The following MAD1L1 variants were observed in gnomAD, a reference collection of about 807,000 sequenced individuals.
The protein encoded by MAD1L1 is mitotic spindle assembly checkpoint protein MAD1.
A neutral mutation model predicts 96.9 loss-of-function variants in MAD1L1; 95 were observed. That is an observed-to-expected ratio of 0.98 (90% confidence interval 0.83 to 1.16). The LOEUF is 1.16. Among genes scored for constraint, MAD1L1 ranks in the 50% most tolerant of loss-of-function variants. The pLI, the probability that MAD1L1 is intolerant of heterozygous loss-of-function variation, is 0.00. For synonymous variants in MAD1L1, 473 were observed against 396.6 expected, an observed-to-expected ratio of 1.19 and a Z score of -2.29; for missense variants, 1,007 against 954.4, an observed-to-expected ratio of 1.06 and a Z score of -0.73.
At chr7:2,018,532 G>A (rs530426850) in intron 12 of MAD1L1, among the ~76,000 whole-genome samples, 20 of 152,228 alleles carry the variant, frequency 1.3e-4, no homozygotes, top group Non-Finnish European at 2.5e-4. Flanking sequence ...TGAGGCAGGC[G>A]CCCAGCACTC....
At chr7:1,872,679 G>C (rs1021767613) in intron 18 of MAD1L1, 1 of 152,282 alleles carries the variant, frequency 6.6e-6, no homozygotes, top group Non-Finnish European at 1.5e-5. Context: ...TCCTGGCTGC[G>C]GACTCCTGGG....
rs759224130 is a variant in MAD1L1, at chr7:1,898,311, G to A, written c.1887C>T (p.Phe629=). The change falls in exon 18 of 19, where the codon TTC becomes TTT. Residue 629 remains phenylalanine (F), a synonymous_variant. Transcript: ENST00000265854. ...CGGTGAGCGTGTAGCAGGCCTTGCGGAACTCCTGGATCTTGGTCTGGAAAA... is the reference window on the plus strand; with the variant it reads ...CGGTGAGCGTGTAGCAGGCCTTGCGAAACTCCTGGATCTTGGTCTGGAAAA... ...KEVFQTKIQE[F]RKACYTLTGY... 9 of 1,614,008 alleles carry A rather than the reference G, an allele frequency of 5.6e-6. No individual in the cohort carries two copies. In the South Asian group the frequency reaches 7.7e-5, roughly 14 times the overall value.
At chr7:1,873,308 A>G (rs1785204626) in intron 18 of MAD1L1, among the ~76,000 whole-genome samples, 1 of 152,176 alleles carries the variant, frequency 6.6e-6, no homozygotes, top group South Asian at 2.1e-4. Context: ...TGGGGCCTCA[A>G]TGGGCTAGAG....
At chr7:2,163,378 GT>G (rs540904902) in intron 10 of MAD1L1, among the ~76,000 whole-genome samples, 1 of 151,992 alleles carries the variant, frequency 6.6e-6, no homozygotes, top group Admixed American at 6.5e-5. Context: ...TGTATTCTTT[GT>G]TTTTTGTTTT....
chr7:2,140,549 T>C (rs1010853512), intron 11 of MAD1L1, among the ~76,000 whole-genome samples: 2 of 152,160 alleles, frequency 1.3e-5, no homozygotes, highest in African/African-American at 4.8e-5. Flanking sequence ...ACTTCCAAGA[T>C]GAAGAGCCTC....
At chr7:2,190,002 G>A (rs1791644568) in intron 10 of MAD1L1, among the ~76,000 whole-genome samples, 1 of 151,762 alleles carries the variant, frequency 6.6e-6, no homozygotes, top group African/African-American at 2.4e-5. Flanking sequence ...AGTGCACTAA[G>A]GCAAGAAAAA....
intron 10 of MAD1L1, among the ~76,000 whole-genome samples, chr7:2,181,237 T>C (rs1014768199): frequency 6.6e-6 from 1 of 152,274 alleles, no homozygotes; most frequent in South Asian, 2.1e-4. Context: ...CTTCCGAATT[T>C]TGCGGCAACT....
chr7:1,970,146 CAG>C (rs751971698), intron 15 of MAD1L1, among the ~76,000 whole-genome samples: 3 of 152,052 alleles, frequency 2.0e-5, no homozygotes, highest in Admixed American at 6.5e-5. Flanking sequence ...AGCCGAGCCG[CAG>C]AGTTGAGCAG....
chr7:1,942,440 C>T (rs142267264), intron 16 of MAD1L1, among the ~76,000 whole-genome samples: 103 of 152,322 alleles, frequency 6.8e-4, no homozygotes, highest in African/African-American at 2.4e-3. Flanking sequence ...CCTCGGAGCC[C>T]GCGCGCCACA....
chr7:1,932,492 T>C (rs887645843), intron 17 of MAD1L1, among the ~76,000 whole-genome samples: 2 of 152,174 alleles, frequency 1.3e-5, no homozygotes, highest in African/African-American at 4.8e-5. Context: ...TCAGACCTGA[T>C]GTGGGGCTGG....
chr7:1,953,416 T>C (rs549231276), intron 16 of MAD1L1, among the ~76,000 whole-genome samples: 1 of 152,232 alleles, frequency 6.6e-6, no homozygotes, highest in African/African-American at 2.4e-5. Context: ...AGCAGGCAGG[T>C]GGGGCGGGGA....
At chr7:1,970,579 C>T (rs552053661) in intron 15 of MAD1L1, among the ~76,000 whole-genome samples, 65 of 152,208 alleles carry the variant, frequency 4.3e-4, no homozygotes, top group African/African-American at 1.5e-3. Flanking sequence ...GGTGATCTGC[C>T]GGCCTTGGTC....
chr7:1,830,181 G>T (rs1243203354), intron 18 of MAD1L1, among the ~76,000 whole-genome samples: 2 of 152,252 alleles, frequency 1.3e-5, no homozygotes, highest in Admixed American at 1.3e-4. Flanking sequence ...AGGATCACCT[G>T]AGGTCAGGAG....
chr7:1,980,834 G>A (rs1200513768), intron 14 of MAD1L1: 6 of 530,504 alleles, frequency 1.1e-5, no homozygotes, highest in South Asian at 6.6e-5. Flanking sequence ...GAGTGGACAC[G>A]CAGCTGGGGA....
chr7:2,151,794 G>A (rs149243769), intron 10 of MAD1L1, among the ~76,000 whole-genome samples: 3 of 152,316 alleles, frequency 2.0e-5, no homozygotes, highest in Admixed American at 6.5e-5. Context: ...CAGTGACAGA[G>A]CTCTCTTCTG....
intron 17 of MAD1L1, among the ~76,000 whole-genome samples, chr7:1,929,098 G>A (rs145255358): frequency 8.5e-5 from 13 of 152,194 alleles, no homozygotes; most frequent in Admixed American, 2.0e-4. Flanking sequence ...CCCTGAGGCC[G>A]AGCAGGTGGA....
chr7:1,841,226 C>T (rs1341697728), intron 18 of MAD1L1, among the ~76,000 whole-genome samples: 1 of 147,810 alleles, frequency 6.8e-6, no homozygotes, highest in East Asian at 1.9e-4. Flanking sequence ...AAAAATATCC[C>T]CGTAAGTGAC....
chr7:2,067,211 ATCAGGCCATGTTCGCAGGCACCCG>A (rs1562654374), intron 12 of MAD1L1, among the ~76,000 whole-genome samples: 23 of 131,940 alleles, frequency 1.7e-4, no homozygotes, highest in Admixed American at 5.6e-4. Flanking sequence ...ACCCGGGGTC[ATCAGGCCATGTTCGCAGGCACCCG>A]GGGTCATCAG....
At chr7:1,855,975 C>T (rs1371726908) in intron 18 of MAD1L1, among the ~76,000 whole-genome samples, 1 of 152,168 alleles carries the variant, frequency 6.6e-6, no homozygotes, top group Non-Finnish European at 1.5e-5. Flanking sequence ...CGCCGGCAGA[C>T]GTGGTGTCTG....
Sources: gnomAD v4.1 joint callset for allele counts (sites outside exome capture counted in the v4.1 genomes callset) on GRCh38, gnomAD v4.1.1 for gene constraint, MANE v1.5 for transcripts, NCBI Gene and HGNC (gene_info 2026-07-23, HGNC 2026-07-21) for gene names.